Variants in LRMDA observed in about 807,000 individuals in gnomAD.
LRMDA encodes leucine-rich melanocyte differentiation-associated protein.
A neutral mutation model predicts 29.8 loss-of-function variants in LRMDA; 18 were observed. That is an observed-to-expected ratio of 0.60 (90% CI 0.42 to 0.90). LRMDA has a LOEUF of 0.90. LRMDA is among the 40% of genes least tolerant of loss of function. The pLI is 0.00. For synonymous variants in LRMDA, 125 were observed against 109.4 expected (o/e 1.14, Z -0.89); for missense variants, 273 against 273.9 (o/e 1.00, Z 0.02).
intron 6 of LRMDA, among the ~76,000 whole-genome samples, chr10:76,548,051 A>T (rs989993210): frequency 6.6e-6 from 1 of 152,204 alleles, no homozygotes; most frequent in Non-Finnish European, 1.5e-5. Context: ...ACAGGACTGA[A>T]CAAATAAATA....
chr10:75,873,328 A>C (rs1845143733), intron 2 of LRMDA, among the ~76,000 whole-genome samples: 1 of 152,252 alleles, frequency 6.6e-6, no homozygotes, highest in East Asian at 1.9e-4. Context: ...CTGGAAAAAC[A>C]GTACAAATGA....
intron 2 of LRMDA, among the ~76,000 whole-genome samples, chr10:75,826,612 C>T (rs1225416927): frequency 6.6e-6 from 1 of 152,138 alleles, no homozygotes; most frequent in Non-Finnish European, 1.5e-5. Context: ...GTGATAGCAG[C>T]AGTTTTATAT....
chr10:75,915,120 CTTTTTTTTTT>C (rs71024579), intron 2 of LRMDA, among the ~76,000 whole-genome samples: 15 of 75,240 alleles, frequency 2.0e-4, no homozygotes, highest in African/African-American at 5.4e-4. Context: ...GTCTAACCTT[CTTTTTTTTTT>C]TTTTTTTTTT....
At chr10:76,034,123 G>T (rs1339104528) in intron 2 of LRMDA, among the ~76,000 whole-genome samples, 2 of 152,236 alleles carry the variant, frequency 1.3e-5, no homozygotes, top group African/African-American at 4.8e-5. Context: ...ACAGGAAATA[G>T]AGGAGCGGAG....
chr10:76,193,597 A>C (rs1851283264), intron 5 of LRMDA, among the ~76,000 whole-genome samples: 1 of 152,164 alleles, frequency 6.6e-6, no homozygotes, highest in Admixed American at 6.5e-5. Flanking sequence ...GGAAGAGAAG[A>C]AGCTAAGATG....
intron 2 of LRMDA, among the ~76,000 whole-genome samples, chr10:75,640,240 T>C (rs1841436050): frequency 6.6e-6 from 1 of 152,218 alleles, no homozygotes; most frequent in South Asian, 2.1e-4. Flanking sequence ...GTCTGATTTT[T>C]TTGTTGCATT....
intron 5 of LRMDA, among the ~76,000 whole-genome samples, chr10:76,133,207 T>C (rs1850030637): frequency 6.6e-6 from 1 of 152,082 alleles, no homozygotes; most frequent in Non-Finnish European, 1.5e-5. Flanking sequence ...TTCAACGCTA[T>C]GCTAAGTGTT....
intron 2 of LRMDA, among the ~76,000 whole-genome samples, chr10:75,751,981 A>G (rs1842974545): frequency 6.6e-6 from 1 of 151,872 alleles, no homozygotes; most frequent in African/African-American, 2.4e-5. Context: ...AATCTAGGGG[A>G]AAATGACGAG....
At chr10:75,848,084 G>A (rs1216240002) in intron 2 of LRMDA, among the ~76,000 whole-genome samples, 4 of 152,146 alleles carry the variant, frequency 2.6e-5, no homozygotes, top group Admixed American at 6.5e-5. Context: ...AGAATTCAAA[G>A]CAAGATCTGG....
chr10:75,820,494 T>C (rs1395624911), intron 2 of LRMDA, among the ~76,000 whole-genome samples: 1 of 152,210 alleles, frequency 6.6e-6, no homozygotes, highest in Admixed American at 6.5e-5. Context: ...ACCTCTGGGA[T>C]ACAGCAACGG....
chr10:75,501,749 G>A (rs1219957570), intron 2 of LRMDA, among the ~76,000 whole-genome samples: 1 of 152,186 alleles, frequency 6.6e-6, no homozygotes, highest in Admixed American at 6.5e-5. Context: ...TATTCTTTTA[G>A]TCAGGGAAGA....
intron 2 of LRMDA, among the ~76,000 whole-genome samples, chr10:75,745,654 C>T (rs552172755): frequency 2.0e-5 from 3 of 152,150 alleles, no homozygotes; most frequent in African/African-American, 7.2e-5. Flanking sequence ...AACATTGGAA[C>T]AATATTATTG....
chr10:75,473,731 T>G (rs888848506), intron 2 of LRMDA, among the ~76,000 whole-genome samples: 4 of 152,252 alleles, frequency 2.6e-5, no homozygotes, highest in African/African-American at 9.6e-5. Context: ...GCTTGTAGGC[T>G]GCCTGTGTAG....
At chr10:75,527,089 T>G (rs1845422282) in intron 2 of LRMDA, among the ~76,000 whole-genome samples, 1 of 152,170 alleles carries the variant, frequency 6.6e-6, no homozygotes, top group African/African-American at 2.4e-5. Flanking sequence ...TCTACAAATT[T>G]GCCTATTTTG....
At position 75,608,108 on chromosome 10, in the gene LRMDA, GTGTATATATA is replaced by G. The variant is rs768268701; in HGVS notation, c.131+169616_131+169625del. Among the ~76,000 whole-genome samples, 473 of 88,456 alleles carry G rather than the reference GTGTATATATA, an allele frequency of 5.3e-3. 27 individuals are homozygous for G. Among genetic ancestry groups the G allele is most frequent in the Non-Finnish European group, 8.6e-3 (352 of 40,786 alleles). 58.0% of individuals were successfully genotyped at this position (88,456 alleles called of 152,430 possible). On this transcript the variant is annotated intron_variant, in intron 2 of 6. Transcript: ENST00000611255. Reference sequence around the variant, plus strand: ...ATGACTGGATCAAAAATTGTAGTGTGTGTATATATATATATATATATACACACACATACAC... The same window carrying G: ...ATGACTGGATCAAAAATTGTAGTGTGTATATATATATACACACACATACAC...
At chr10:76,034,099 C>T (rs767959822) in intron 2 of LRMDA, among the ~76,000 whole-genome samples, 22 of 152,184 alleles carry the variant, frequency 1.4e-4, no homozygotes, top group Admixed American at 2.0e-4. Flanking sequence ...TATTGACAGG[C>T]CCAAATTCAC....
intron 2 of LRMDA, among the ~76,000 whole-genome samples, chr10:75,939,018 C>G (rs151213566): frequency 6.6e-6 from 1 of 152,160 alleles, no homozygotes; most frequent in African/African-American, 2.4e-5. Flanking sequence ...AACCAGCGCT[C>G]GGCATGAAAT....
At chr10:75,893,511 G>A (rs1370703652) in intron 2 of LRMDA, among the ~76,000 whole-genome samples, 7 of 152,196 alleles carry the variant, frequency 4.6e-5, no homozygotes, top group East Asian at 1.9e-4. Flanking sequence ...GTTTGAAAGC[G>A]GAAGTGGCAG....
intron 2 of LRMDA, among the ~76,000 whole-genome samples, chr10:75,834,030 C>T (rs1036529460): frequency 5.3e-5 from 8 of 152,144 alleles, no homozygotes; most frequent in African/African-American, 1.9e-4. Flanking sequence ...CTTCCTTTTT[C>T]GTGAAGGTAG....
Sources: allele counts gnomAD v4.1 joint callset (sites outside exome capture counted in the v4.1 genomes callset), GRCh38; gene constraint gnomAD v4.1.1; transcripts MANE v1.5; gene names NCBI Gene and HGNC (gene_info 2026-07-23, HGNC 2026-07-21).